Variants in MYPN observed in about 807,000 individuals in gnomAD.
MYPN encodes sarcomeric protein myopalladin, 145 kDa (MYOP).
Under a neutral mutation model 129.4 loss-of-function variants are expected in MYPN, and 63 were observed. The ratio of observed to expected loss-of-function variants is 0.49; its 90% confidence interval spans 0.40 to 0.60. The LOEUF (loss-of-function observed/expected upper bound fraction) is 0.60. Ranked by LOEUF, MYPN falls within the 20% of genes least tolerant of loss-of-function variation. MYPN has a pLI of 0.00. For synonymous variants in MYPN, 629 were observed against 600.9 expected (o/e 1.05, Z -0.68); for missense variants, 1,596 against 1,635.4 (o/e 0.98, Z 0.42).
chr10:68,189,147 G>C, intron 13 of MYPN, 21 bp downstream of exon 13: 7 of 1,571,712 alleles, frequency 4.5e-6, no homozygotes, highest in Non-Finnish European at 6.1e-6. Context: ...TGACAAGCCA[G>C]TTGGCCACCT....
At chr10:68,094,879 T>C (rs1366840871) in intron 1 of MYPN, among the ~76,000 whole-genome samples, 1 of 152,018 alleles carries the variant, frequency 6.6e-6, no homozygotes, top group Non-Finnish European at 1.5e-5. Flanking sequence ...CTGGCCAACA[T>C]AGTGAATCCC....
chr10:68,099,204 C>T (rs893924744), intron 1 of MYPN, among the ~76,000 whole-genome samples: 1 of 152,160 alleles, frequency 6.6e-6, no homozygotes, highest in Non-Finnish European at 1.5e-5. Flanking sequence ...AAATAACCCT[C>T]ATTAGACTAA....
chr10:68,197,335 C>T lies in MYPN; in HGVS notation c.3159-17C>T. On this transcript the variant is annotated splice_polypyrimidine_tract_variant and intron_variant, in intron 15 of 19. Transcript: ENST00000358913. ...TTTATTTCTATGTTTAATATCTGAA[C>T]ATGCTTGTTGTTATAGGGGAAGATC... The T allele has an allele frequency of 6.2e-7, 1 of 1,610,766 alleles. No individual in the cohort carries two copies. The highest frequency in any genetic ancestry group is 8.5e-7 in the Non-Finnish European group (1 of 1,178,102).
At chr10:68,177,223 G>A (rs543547950) in intron 12 of MYPN, among the ~76,000 whole-genome samples, 5 of 152,306 alleles carry the variant, frequency 3.3e-5, no homozygotes, top group Non-Finnish European at 5.9e-5. Flanking sequence ...AAACCCAGTA[G>A]AAATCTCTCT....
intron 7 of MYPN, among the ~76,000 whole-genome samples, 196 bp downstream of exon 7, chr10:68,158,823 A>G (rs2042925278): frequency 6.6e-6 from 1 of 152,190 alleles, no homozygotes; most frequent in South Asian, 2.1e-4. Context: ...AAAGAAAAGC[A>G]TCATATTCTT....
At chr10:68,208,466 G>A (rs894946641) in intron 19 of MYPN, among the ~76,000 whole-genome samples, 4 of 152,188 alleles carry the variant, frequency 2.6e-5, no homozygotes, top group African/African-American at 9.7e-5. Context: ...TTTCCCTGGA[G>A]AAATCGGGGG....
chr10:68,187,181 G>A (rs1410261441), intron 12 of MYPN, among the ~76,000 whole-genome samples: 1 of 151,974 alleles, frequency 6.6e-6, no homozygotes, highest in Non-Finnish European at 1.5e-5. Context: ...AGATCAGCCT[G>A]GCTAACATGG....
In MYPN at chr10:68,121,530, A is replaced by C. The variant is rs779467038; in HGVS notation, c.92A>C (p.Glu31Ala). The C allele has an allele frequency of 5.6e-6, 9 of 1,614,202 alleles. No individual in the cohort carries two copies. The highest frequency in any genetic ancestry group is 4.4e-5 in the South Asian group (4 of 91,084). The change falls in exon 2 of 20, where the codon GAG becomes GCG. Residue 31 changes from glutamate (E) to alanine (A), a missense_variant. Coordinates refer to ENST00000358913, the MANE Select transcript of MYPN (RefSeq NM_032578.4). ...LAETRHRGNN[E>A]RSRAEPSSNP... ...GAAACCAGACATCGGGGAAACAATG[A>C]GAGGAGTCGAGCGGAGCCCTCCTCC... is the stretch of plus-strand genomic sequence containing the variant.
chr10:68,195,306 T>C (rs988870919), intron 14 of MYPN, 144 bp from the exon 15 acceptor site: 1 of 717,756 alleles, frequency 1.4e-6, no homozygotes, highest in Admixed American at 2.1e-5. Context: ...TAAGAAATCA[T>C]ATTTTATTGT....
rs1254327360 is a variant in MYPN at position 68,195,469 on chromosome 10, G to T, written c.3095G>T (p.Gly1032Val). The T allele has an allele frequency of 1.2e-6, 2 of 1,613,896 alleles. No individual in the cohort carries two copies. The highest frequency in any genetic ancestry group is 4.5e-5 in the East Asian group (2 of 44,870). The change falls in exon 15 of 20, where the codon GGC becomes GTC. Residue 1032 changes from glycine (G) to valine (V), a missense_variant. Transcript: ENST00000358913. ...TGTCAGGGGAGAATCAGCTGTTCTG[G>T]CCACTTGATGGTACAAAGTTTGCCC... ...ANPQGRISCS[G>V]HLMVQSLPIR...
At position 68,158,550 on chromosome 10, in the gene MYPN, C is replaced by T. The variant is rs1564669650; in HGVS notation, c.1382C>T (p.Ala461Val). 3 of 1,612,842 alleles carry T rather than the reference C, an allele frequency of 1.9e-6. No homozygotes were observed. The highest frequency in any genetic ancestry group is 2.5e-6 in the Non-Finnish European group (3 of 1,178,806). ...GTCTTTGAATGCAGAGTAAAAGGAGCTCCATCTCCTAAGGTTGAGTGGTAT... is the reference window on the plus strand; with the variant it reads ...GTCTTTGAATGCAGAGTAAAAGGAGTTCCATCTCCTAAGGTTGAGTGGTAT... The part of the protein sequence containing the change: ...LVVFECRVKG[A>V]PSPKVEWYRE... The change falls in exon 7 of 20, where the codon GCT (alanine) becomes GTT (valine). Residue 461 changes from alanine to valine, a missense_variant. Physicochemically the swap from Ala to Val is moderately conservative, Grantham distance 64. Transcript: ENST00000358913.
At chr10:68,209,561 A>G (rs1460033101) in intron 19 of MYPN, among the ~76,000 whole-genome samples, 1 of 151,716 alleles carries the variant, frequency 6.6e-6, no homozygotes, top group African/African-American at 2.4e-5. Flanking sequence ...TTGAGAGCCT[A>G]CAACCCTCTG....
At chr10:68,098,754 A>C (rs529040780) in intron 1 of MYPN, among the ~76,000 whole-genome samples, 2 of 152,226 alleles carry the variant, frequency 1.3e-5, no homozygotes, top group Admixed American at 1.3e-4. Flanking sequence ...GAGGCAGGAG[A>C]ATCGCTTGAA....
intron 12 of MYPN, among the ~76,000 whole-genome samples, chr10:68,182,499 T>C (rs12357786): frequency 0.8 from 99,915 of 125,028 alleles, 40,153 homozygotes; most frequent in East Asian, 0.91. Context: ...CACACACACA[T>C]ATATATATAT....
chr10:68,102,835 T>C (rs10997932), upstream of MYPN, among the ~76,000 whole-genome samples: 19,486 of 152,176 alleles, frequency 0.13, 1,639 homozygotes, highest in East Asian at 0.44. Context: ...TTTATCCCCA[T>C]TGTGAAAAAT....
At chr10:68,177,070 G>A (rs192573102) in intron 12 of MYPN, among the ~76,000 whole-genome samples, 142 of 152,250 alleles carry the variant, frequency 9.3e-4, no homozygotes, top group African/African-American at 3.1e-3. Context: ...TTGCACATAC[G>A]CTGTTTGATT....
chr10:68,143,232 C>G, intron 3 of MYPN, 117 bp downstream of exon 3: 1 of 968,086 alleles, frequency 1.0e-6, no homozygotes, highest in East Asian at 2.6e-5. Flanking sequence ...GAGGATACAG[C>G]AGTGAACCGA....
intron 12 of MYPN, among the ~76,000 whole-genome samples, chr10:68,181,853 A>G (rs535487271): frequency 2.0e-5 from 3 of 151,976 alleles, no homozygotes; most frequent in African/African-American, 7.2e-5. Context: ...AAGCTCTCCA[A>G]GCTCTCCGAT....
intron 2 of MYPN, among the ~76,000 whole-genome samples, chr10:68,137,138 A>AAAT: frequency 6.6e-6 from 1 of 151,852 alleles, no homozygotes; most frequent in Non-Finnish European, 1.5e-5. Flanking sequence ...AATTTATAAA[A>AAAT]AATAACTACA....
Sources: gnomAD v4.1 joint callset for allele counts (sites outside exome capture counted in the v4.1 genomes callset) on GRCh38, gnomAD v4.1.1 for gene constraint, MANE v1.5 for transcripts, NCBI Gene and HGNC (gene_info 2026-07-23, HGNC 2026-07-21) for gene names.